Variants in G3BP1 observed in about 807,000 individuals in gnomAD.
G3BP1 encodes the protein G3BP stress granule assembly factor 1.
In G3BP1, 35 loss-of-function variants were observed where a neutral mutation model predicts 58.6. That is an observed-to-expected ratio of 0.60 (90% CI 0.46 to 0.79). G3BP1 has a LOEUF of 0.79. Ranked by LOEUF, G3BP1 falls within the 30% of genes least tolerant of loss-of-function variation. G3BP1 has a pLI of 0.00. For missense variants in G3BP1, 523 were observed against 580.8 expected, an observed-to-expected ratio of 0.90 and a Z score of 1.02; for synonymous variants, 191 against 195.4, an observed-to-expected ratio of 0.98 and a Z score of 0.19.
At chr5:151,801,633 C>G (rs1762851274) in intron 11 of G3BP1, among the ~76,000 whole-genome samples, 1 of 152,028 alleles carries the variant, frequency 6.6e-6, no homozygotes, top group Non-Finnish European at 1.5e-5. Context: ...TTACTAAAAG[C>G]CATAAGCTCT....
chr5:151,791,507 T>A (rs957738421), intron 4 of G3BP1: 3 of 159,466 alleles, frequency 1.9e-5, no homozygotes, highest in African/African-American at 7.2e-5. Context: ...TTTTTTTTTA[T>A]TGCATTGACA....
intron 11 of G3BP1, 92 bp from the exon 12 acceptor site, chr5:151,803,793 C>G: frequency 5.8e-6 from 5 of 867,124 alleles, no homozygotes; most frequent in Non-Finnish European, 7.4e-6. Context: ...CGTGCCCAGC[C>G]TCTGCTGGTT....
At chr5:151,793,907 A>G (rs988430851) in intron 4 of G3BP1, among the ~76,000 whole-genome samples, 1 of 151,378 alleles carries the variant, frequency 6.6e-6, no homozygotes, top group Admixed American at 6.6e-5. Flanking sequence ...CTAGCTACTT[A>G]GGAGGCTGAG....
chr5:151,809,405 T>C lies in G3BP1; in HGVS notation c.*5314T>C, dbSNP rs183960138. On this transcript the variant is annotated 3_prime_UTR_variant, in exon 12 of 12. Coordinates refer to ENST00000356245, the MANE Select transcript of G3BP1 (RefSeq NM_005754.3). ...ATGCTAAGGTAGCTTGTAGGACATG[T>C]GGTTTTAAAAAATTCATGGATTTTG... The C allele has an allele frequency of 1.1e-3, 173 of 152,310 alleles. No individual in the cohort carries two copies. Among genetic ancestry groups the C allele is most frequent in the African/African-American group, 3.8e-3 (157 of 41,572 alleles). The allele number at this position is 152,310 out of a possible 1,614,324, so 9.4% of individuals were successfully genotyped here. A position where few individuals can be genotyped will look rare whatever the true frequency, so the allele number is the denominator to read the frequency against.
intron 1 of G3BP1, among the ~76,000 whole-genome samples, chr5:151,774,641 T>C (rs1190453078): frequency 6.6e-6 from 1 of 151,920 alleles, no homozygotes; most frequent in Non-Finnish European, 1.5e-5. Flanking sequence ...TTAATTATAT[T>C]GTGCTTTGGC....
At chr5:151,799,724 C>T (rs920073277) in intron 8 of G3BP1, among the ~76,000 whole-genome samples, 165 bp from the exon 9 acceptor site, 9 of 151,256 alleles carry the variant, frequency 6.0e-5, no homozygotes, top group Non-Finnish European at 1.0e-4. Flanking sequence ...AGAAACAGAA[C>T]TGACATATAG....
Position 151,790,311 on chromosome 5 carries a change from C to G in G3BP1, c.96-12C>G, listed in dbSNP as rs759973778. The G allele has an allele frequency of 3.5e-6, 5 of 1,414,556 alleles. No individual in the cohort carries two copies. In the African/African-American group the frequency reaches 5.8e-5, roughly 16 times the overall value. 87.6% of individuals were successfully genotyped at this position (1,414,556 alleles called of 1,614,324 possible). On this transcript the variant is annotated splice_polypyrimidine_tract_variant and intron_variant, in intron 2 of 11. Coordinates refer to ENST00000356245, the MANE Select transcript of G3BP1 (RefSeq NM_005754.3). ...TTGAAGATGACAAGTAAATCATCTT[C>G]CCATTTTACAGATTTTATGGAAAGA...
intron 11 of G3BP1, among the ~76,000 whole-genome samples, chr5:151,801,950 G>T (rs1441322542): frequency 6.6e-6 from 1 of 151,948 alleles, no homozygotes; most frequent in Non-Finnish European, 1.5e-5. Flanking sequence ...GAGTAGCTGG[G>T]ATTACAGGCA....
intron 7 of G3BP1, among the ~76,000 whole-genome samples, chr5:151,798,514 A>AT (rs1311700172): frequency 5.9e-5 from 9 of 152,230 alleles, no homozygotes; most frequent in Non-Finnish European, 1.2e-4. Flanking sequence ...GGTTCTGGCG[A>AT]TTTTTAAATG....
chr5:151,782,374 G>A (rs1011844623), intron 1 of G3BP1, among the ~76,000 whole-genome samples: 1 of 152,072 alleles, frequency 6.6e-6, no homozygotes, highest in African/African-American at 2.4e-5. Context: ...CAGTTTTAAA[G>A]TTCATTTGTC....
At chr5:151,774,314 T>G (rs1762328813) in intron 1 of G3BP1, among the ~76,000 whole-genome samples, 1 of 152,102 alleles carries the variant, frequency 6.6e-6, no homozygotes, top group Non-Finnish European at 1.5e-5. Flanking sequence ...TGTGACCTAC[T>G]TAGAGCAGTT....
intron 7 of G3BP1, 38 bp from the exon 8 acceptor site, chr5:151,799,174 C>G: frequency 1.0e-6 from 1 of 963,840 alleles, no homozygotes; most frequent in Non-Finnish European, 1.7e-6. Flanking sequence ...TGTTTTGATA[C>G]CTGGTATAAT....
chr5:151,792,955 T>G (rs1453456300), intron 4 of G3BP1, among the ~76,000 whole-genome samples: 1 of 152,120 alleles, frequency 6.6e-6, no homozygotes, highest in Non-Finnish European at 1.5e-5. Flanking sequence ...CCTTAGAAAC[T>G]GAATAACTCA....
Position 151,794,086 on chromosome 5 carries a change from C to T in G3BP1, c.352-73C>T, listed in dbSNP as rs1762706744. ...CTCATGGAGGCAGACTTGTCCCAGT[C>T]ACCAATGGTGTAGAGTGATTTGACT... On this transcript the variant is annotated intron_variant, in intron 4 of 11. Coordinates refer to ENST00000356245, the MANE Select transcript of G3BP1 (RefSeq NM_005754.3). The T allele has an allele frequency of 3.4e-6, 3 of 872,830 alleles. No individual in the cohort carries two copies. The South Asian group carries it at 4.1e-5, about 12-fold the overall frequency. The allele number at this position is 872,830 out of a possible 1,614,324, so 54.1% of individuals were successfully genotyped here.
intron 11 of G3BP1, among the ~76,000 whole-genome samples, chr5:151,801,819 ATT>A (rs570635661): frequency 6.9e-6 from 1 of 145,822 alleles, no homozygotes; most frequent in Non-Finnish European, 1.5e-5. Context: ...TTATTTTTTT[ATT>A]TTTTTTTTTT....
intron 2 of G3BP1, among the ~76,000 whole-genome samples, chr5:151,789,028 G>A (rs1391605803): frequency 6.6e-6 from 1 of 152,108 alleles, no homozygotes; most frequent in African/African-American, 2.4e-5. Context: ...GCCCACCTTG[G>A]CCTCCCAAAG....
intron 2 of G3BP1, among the ~76,000 whole-genome samples, chr5:151,789,291 A>G (rs1158564101): frequency 6.6e-6 from 1 of 152,044 alleles, no homozygotes; most frequent in African/African-American, 2.4e-5. Flanking sequence ...CTAAAAATAC[A>G]AAAAAAGGCG....
chr5:151,776,882 T>C (rs527484674), intron 1 of G3BP1, among the ~76,000 whole-genome samples: 1 of 151,378 alleles, frequency 6.6e-6, no homozygotes, highest in South Asian at 2.1e-4. Flanking sequence ...TATTTTGTTG[T>C]TCATGTTGTT....
Position 151,805,455 on chromosome 5 carries a change from T to C in G3BP1, c.*1364T>C, listed in dbSNP as rs1461564085. On this transcript the variant is annotated 3_prime_UTR_variant, in exon 12 of 12. Coordinates refer to ENST00000356245, the MANE Select transcript of G3BP1 (RefSeq NM_005754.3). ...TTGTTTACACGTGTGAAACAAACTTTTGTGTGATTGTCATTACTAATTGAA... is the reference window on the plus strand; with the variant it reads ...TTGTTTACACGTGTGAAACAAACTTCTGTGTGATTGTCATTACTAATTGAA... 2 of 152,458 alleles carry C rather than the reference T, an allele frequency of 1.3e-5. No homozygotes were observed. The highest frequency in any genetic ancestry group is 2.4e-5 in the African/African-American group (1 of 41,456). 9.4% of individuals were successfully genotyped at this position (152,458 alleles called of 1,614,324 possible).
Sources: allele counts gnomAD v4.1 joint callset (sites outside exome capture counted in the v4.1 genomes callset), GRCh38; gene constraint gnomAD v4.1.1; transcripts MANE v1.5; gene names NCBI Gene and HGNC (gene_info 2026-07-23, HGNC 2026-07-21).